Variants in CSMD1 observed in about 807,000 individuals in gnomAD.
CSMD1 encodes CUB and sushi domain-containing protein 1.
In CSMD1, 213 loss-of-function variants were observed where a neutral mutation model predicts 417.5. The observed-to-expected ratio is 0.51, with a 90% confidence interval of 0.46 to 0.57. The LOEUF (loss-of-function observed/expected upper bound fraction) is 0.57. Ranked by LOEUF, CSMD1 falls within the 20% of genes least tolerant of loss-of-function variation. The pLI is 0.00. For synonymous variants in CSMD1, 2,862 were observed against 1,736.8 expected (o/e 1.65, Z -16.11); for missense variants, 6,923 against 4,529.7 (o/e 1.53, Z -15.17).
intron 5 of CSMD1, among the ~76,000 whole-genome samples, chr8:3,762,739 C>A (rs985802547): frequency 1.3e-5 from 2 of 152,136 alleles, no homozygotes; most frequent in Admixed American, 6.6e-5. Context: ...AGCCAGGCCA[C>A]AGCTCGGCTT....
chr8:3,453,008 C>G (rs1043954000), intron 12 of CSMD1, among the ~76,000 whole-genome samples: 12 of 152,116 alleles, frequency 7.9e-5, no homozygotes, highest in African/African-American at 1.9e-4. Flanking sequence ...TGTTATTGGT[C>G]TATTCAGAGA....
intron 59 of CSMD1, among the ~76,000 whole-genome samples, chr8:2,964,008 G>T (rs1803727705): frequency 6.6e-6 from 1 of 152,090 alleles, no homozygotes; most frequent in African/African-American, 2.4e-5. Context: ...TTTCCCCGAG[G>T]GTGATGTCAC....
At chr8:4,044,743 C>CATGTACAACCCTGGGT (rs1320932356) in intron 3 of CSMD1, among the ~76,000 whole-genome samples, 2 of 152,198 alleles carry the variant, frequency 1.3e-5, no homozygotes, top group African/African-American at 2.4e-5. Flanking sequence ...CCACCCTGGG[C>CATGTACAACCCTGGGT]ATGTACCACC....
intron 3 of CSMD1, among the ~76,000 whole-genome samples, chr8:4,189,786 A>G (rs1054876010): frequency 6.6e-6 from 1 of 152,176 alleles, no homozygotes; most frequent in African/African-American, 2.4e-5. Context: ...ACAAAGGATA[A>G]TTTTATCTTG....
intron 1 of CSMD1, among the ~76,000 whole-genome samples, chr8:4,854,093 A>G (rs902471804): frequency 3.3e-5 from 5 of 152,172 alleles, no homozygotes; most frequent in African/African-American, 1.2e-4. Context: ...GAGACATTGG[A>G]CATGAGACAT....
chr8:3,091,028 T>C (rs1323375546), intron 48 of CSMD1, among the ~76,000 whole-genome samples: 1 of 152,064 alleles, frequency 6.6e-6, no homozygotes, highest in African/African-American at 2.4e-5. Flanking sequence ...ATTAAACATA[T>C]ATTTATTATG....
At chr8:4,822,233 T>A (rs1799564649) in intron 1 of CSMD1, among the ~76,000 whole-genome samples, 1 of 152,142 alleles carries the variant, frequency 6.6e-6, no homozygotes, top group South Asian at 2.1e-4. Flanking sequence ...CAACTTACTT[T>A]CACCGTACCA....
intron 2 of CSMD1, among the ~76,000 whole-genome samples, chr8:4,608,601 T>C (rs561653577): frequency 3.9e-5 from 6 of 152,356 alleles, no homozygotes; most frequent in Admixed American, 6.5e-5. Context: ...AAAGTTATAC[T>C]ACAAATGCGT....
chr8:3,010,309 G>A (rs1041699181), intron 52 of CSMD1, among the ~76,000 whole-genome samples: 1 of 152,078 alleles, frequency 6.6e-6, no homozygotes, highest in African/African-American at 2.4e-5. Flanking sequence ...CTAATTTTTC[G>A]TACCTATGCA....
At chr8:3,853,991 AAT>A (rs1174708357) in intron 5 of CSMD1, among the ~76,000 whole-genome samples, 6 of 146,452 alleles carry the variant, frequency 4.1e-5, no homozygotes, top group African/African-American at 9.9e-5. Flanking sequence ...TTATATATTT[AAT>A]ATATGATACA....
intron 1 of CSMD1, among the ~76,000 whole-genome samples, chr8:4,928,542 A>G (rs1038592988): frequency 6.6e-6 from 1 of 152,158 alleles, no homozygotes; most frequent in African/African-American, 2.4e-5. Flanking sequence ...TCTCTCTGAA[A>G]TAACAATTCT....
rs1307350973 is a variant in CSMD1, at chr8:2,977,787, A to G, written c.8566+825T>C. On this transcript the variant is annotated intron_variant, in intron 55 of 69. Coordinates refer to ENST00000635120, the MANE Select transcript of CSMD1 (RefSeq NM_033225.6). ...AAAGGACATGAACAGACACTTCTCA[A>G]AAGAAGACATTTATGTGGCCAATAA... Among the ~76,000 whole-genome samples, 3 of 152,220 alleles carry G rather than the reference A, an allele frequency of 2.0e-5. 1 individual carries two copies. Among genetic ancestry groups the G allele is most frequent in the African/African-American group, 7.2e-5 (3 of 41,462 alleles).
intron 6 of CSMD1, among the ~76,000 whole-genome samples, chr8:3,721,509 AT>A: frequency 6.6e-6 from 1 of 152,324 alleles, no homozygotes; most frequent in East Asian, 1.9e-4. Flanking sequence ...AACTTACAGC[AT>A]TCTAGAGCAT....
chr8:3,210,456 A>ATG (rs1563145879), intron 30 of CSMD1, among the ~76,000 whole-genome samples: 1 of 64,378 alleles, frequency 1.6e-5, no homozygotes, highest in African/African-American at 7.0e-5. Flanking sequence ...TATATGACCT[A>ATG]TATATATATA....
intron 2 of CSMD1, among the ~76,000 whole-genome samples, chr8:4,605,912 G>C (rs1445992807): frequency 1.3e-5 from 2 of 152,140 alleles, no homozygotes; most frequent in Admixed American, 6.5e-5. Context: ...CGAGATCAAT[G>C]CTGGGAGATG....
chr8:3,455,274 G>A (rs1052238662), intron 12 of CSMD1, among the ~76,000 whole-genome samples: 11 of 152,140 alleles, frequency 7.2e-5, no homozygotes, highest in East Asian at 3.9e-4. Context: ...CCTTTAGCTC[G>A]GAGTAGTGTG....
intron 3 of CSMD1, among the ~76,000 whole-genome samples, chr8:4,354,309 T>C (rs1801270708): frequency 6.6e-6 from 1 of 152,186 alleles, no homozygotes; most frequent in Admixed American, 6.5e-5. Flanking sequence ...ATTAAGGCGA[T>C]GAAACATTTC....
chr8:3,097,365 T>G (rs180874872), intron 46 of CSMD1, among the ~76,000 whole-genome samples: 11 of 152,272 alleles, frequency 7.2e-5, no homozygotes, highest in Admixed American at 3.9e-4. Flanking sequence ...AAGAAGAACC[T>G]CACCATTTCA....
intron 3 of CSMD1, among the ~76,000 whole-genome samples, chr8:4,230,247 G>C (rs917175357): frequency 2.0e-5 from 3 of 152,080 alleles, no homozygotes; most frequent in Non-Finnish European, 2.9e-5. Context: ...CTCTACAATA[G>C]ATTTATATCG....
Sources: allele counts gnomAD v4.1 joint callset (sites outside exome capture counted in the v4.1 genomes callset), GRCh38; gene constraint gnomAD v4.1.1; transcripts MANE v1.5; gene names NCBI Gene and HGNC (gene_info 2026-07-23, HGNC 2026-07-21).